TCF4: variants seen among roughly 807,000 people sequenced by gnomAD.
TCF4 encodes transcription factor 4.
A neutral mutation model predicts 82.1 loss-of-function variants in TCF4; 3 were observed. The ratio of observed to expected loss-of-function variants is 0.04; its 90% CI spans 0.02 to 0.09. The LOEUF is 0.09. TCF4 is among the 10% of genes least tolerant of loss of function. The pLI is 1.00. For missense variants in TCF4, 518 were observed against 852.7 expected (o/e 0.61, Z 4.89); for synonymous variants, 276 against 309.6 (o/e 0.89, Z 1.14).
intron 3 of TCF4, among the ~76,000 whole-genome samples, chr18:55,488,749 T>C (rs1266655074): frequency 1.3e-5 from 2 of 152,210 alleles, no homozygotes; most frequent in Non-Finnish European, 2.9e-5. Flanking sequence ...TAGGTATGCC[T>C]CAGGAACCTT....
At chr18:55,379,335 T>C (rs1426161389) in intron 6 of TCF4, among the ~76,000 whole-genome samples, 2 of 152,206 alleles carry the variant, frequency 1.3e-5, no homozygotes, top group African/African-American at 2.4e-5. Flanking sequence ...GGTTGTACAT[T>C]GGACAATGTG....
intron 5 of TCF4, among the ~76,000 whole-genome samples, chr18:55,405,692 G>A (rs1206006717): frequency 6.6e-6 from 1 of 152,070 alleles, no homozygotes; most frequent in African/African-American, 2.4e-5. Flanking sequence ...TAAAAGGAGA[G>A]AGAGAATAAG....
intron 3 of TCF4, among the ~76,000 whole-genome samples, chr18:55,547,627 G>C (rs990441405): frequency 1.3e-5 from 2 of 152,118 alleles, no homozygotes; most frequent in Non-Finnish European, 1.5e-5. Context: ...ATAAAGCCTT[G>C]TCTATATTTA....
At chr18:55,321,289 C>A in intron 8 of TCF4, 1 of 235,000 alleles carries the variant, frequency 4.3e-6, no homozygotes, top group South Asian at 6.2e-5. Context: ...TGGGCTTTCT[C>A]AATTCTGCTT....
chr18:55,454,569 C>T (rs981000241), intron 5 of TCF4, among the ~76,000 whole-genome samples: 2 of 152,154 alleles, frequency 1.3e-5, no homozygotes, highest in African/African-American at 4.8e-5. Flanking sequence ...AATTCCTTAG[C>T]TATAGATCTG....
intron 3 of TCF4, among the ~76,000 whole-genome samples, chr18:55,549,896 G>A (rs919622771): frequency 1.1e-4 from 17 of 152,186 alleles, no homozygotes; most frequent in African/African-American, 3.9e-4. Flanking sequence ...GCTTACTCCC[G>A]GTCCAGATGA....
chr18:55,535,913 G>A (rs753771222), intron 3 of TCF4, among the ~76,000 whole-genome samples: 3 of 152,142 alleles, frequency 2.0e-5, no homozygotes, highest in East Asian at 1.9e-4. Flanking sequence ...GAAACAGTCC[G>A]ATGACAAATG....
intron 2 of TCF4, among the ~76,000 whole-genome samples, chr18:55,616,994 TA>T (rs1468395598): frequency 6.6e-6 from 1 of 152,134 alleles, no homozygotes; most frequent in Non-Finnish European, 1.5e-5. Context: ...CTGTCATATC[TA>T]ATAAATCATT....
At chr18:55,601,310 T>A (rs1203012412) in intron 2 of TCF4, among the ~76,000 whole-genome samples, 1 of 152,114 alleles carries the variant, frequency 6.6e-6, no homozygotes, top group African/African-American at 2.4e-5. Flanking sequence ...AGAGGGCTCC[T>A]TGAACCCCTG....
rs143662602 is a variant in TCF4, at chr18:55,266,055, T to G, written c.922+3776A>C. 6.6e-5 allele frequency: 10 copies of G among 152,226 alleles called. 1 individual carries two copies. Among genetic ancestry groups the G allele is most frequent in the African/African-American group, 1.4e-4 (6 of 41,542 alleles). The allele number at this position is 152,226 out of a possible 1,614,324, so 9.4% of individuals were successfully genotyped here. On this transcript the variant is annotated intron_variant, in intron 11 of 19. Transcript: ENST00000354452. ...TCAAACCACAAAGGGTCACACCCTG[T>G]GAATGTATACAGATGGTATGTCCCA...
chr18:55,335,819 T>C (rs2078512144), intron 8 of TCF4, among the ~76,000 whole-genome samples: 1 of 152,078 alleles, frequency 6.6e-6, no homozygotes. Context: ...AAAAAAAGGC[T>C]TGGAGCAGAA....
At chr18:55,501,285 T>C (rs895123787) in intron 3 of TCF4, among the ~76,000 whole-genome samples, 1 of 152,142 alleles carries the variant, frequency 6.6e-6, no homozygotes, top group African/African-American at 2.4e-5. Context: ...TTAAAGAATT[T>C]ACATTAAACA....
At chr18:55,318,704 T>G (rs982575821) in intron 8 of TCF4, among the ~76,000 whole-genome samples, 1 of 152,150 alleles carries the variant, frequency 6.6e-6, no homozygotes, top group Non-Finnish European at 1.5e-5. Flanking sequence ...AAAATTTTTT[T>G]GTGGGATATG....
intron 3 of TCF4, among the ~76,000 whole-genome samples, chr18:55,541,364 T>C (rs1370533261): frequency 6.6e-6 from 1 of 151,930 alleles, no homozygotes; most frequent in African/African-American, 2.4e-5. Flanking sequence ...GAGGTACACA[T>C]AAAACATTTA....
At chr18:55,588,778 C>G, upstream of TCF4, 1 of 1,084,260 alleles carries the variant, frequency 9.2e-7, no homozygotes. Context: ...GGGGCGAAAT[C>G]TGAATTGCAT....
At chr18:55,580,522 T>A (rs889202639) in intron 3 of TCF4, among the ~76,000 whole-genome samples, 1 of 151,976 alleles carries the variant, frequency 6.6e-6, no homozygotes, top group African/African-American at 2.4e-5. Context: ...AATAAAGATA[T>A]GAGAAAGACA....
At chr18:55,618,577 CTTTT>C (rs1052622677) in intron 2 of TCF4, among the ~76,000 whole-genome samples, 1 of 147,810 alleles carries the variant, frequency 6.8e-6, no homozygotes, top group African/African-American at 2.5e-5. Context: ...TTTCTTTTCT[CTTTT>C]TTTTTTGTTT....
intron 2 of TCF4, among the ~76,000 whole-genome samples, chr18:55,593,973 G>A (rs2097688304): frequency 6.6e-6 from 1 of 152,186 alleles, no homozygotes. Flanking sequence ...TAAGTCAAAT[G>A]GGTATAACTA....
At chr18:55,391,917 G>A (rs1305288918) in intron 6 of TCF4, among the ~76,000 whole-genome samples, 2 of 131,954 alleles carry the variant, frequency 1.5e-5, no homozygotes, top group Non-Finnish European at 3.1e-5. Flanking sequence ...CAGCCTGGGC[G>A]ACAGAGTGAG....
Sources: allele counts gnomAD v4.1 joint callset (sites outside exome capture counted in the v4.1 genomes callset), GRCh38; gene constraint gnomAD v4.1.1; transcripts MANE v1.5; gene names NCBI Gene and HGNC (gene_info 2026-07-23, HGNC 2026-07-21).